IQCM: variants seen among roughly 807,000 people sequenced by gnomAD.
IQCM encodes the protein IQ motif containing M.
IQCM carries 45 observed loss-of-function variants against 57.6 expected under a neutral mutation model. The ratio of observed to expected loss-of-function variants is 0.78; its 90% CI spans 0.62 to 1.00. The LOEUF (loss-of-function observed/expected upper bound fraction) is 1.00. Among genes scored for constraint, IQCM ranks in the 50% least tolerant of loss-of-function variants. IQCM has a pLI of 0.00. For synonymous variants in IQCM, 148 were observed against 158.9 expected (o/e 0.93, Z 0.51); for missense variants, 468 against 511.6 (o/e 0.91, Z 0.82).
chr4:149,496,335 G>A (rs1277794052), intron 12 of IQCM, among the ~76,000 whole-genome samples: 8 of 152,130 alleles, frequency 5.3e-5, no homozygotes, highest in Admixed American at 4.6e-4. Flanking sequence ...TCTCAATCCT[G>A]AAATCTGTGA....
intron 5 of IQCM, among the ~76,000 whole-genome samples, chr4:149,706,958 T>TG (rs1460798398): frequency 6.6e-6 from 1 of 152,006 alleles, no homozygotes; most frequent in East Asian, 1.9e-4. Context: ...TAGAATTTTG[T>TG]GAAAGGCCTT....
intron 12 of IQCM, among the ~76,000 whole-genome samples, chr4:149,445,940 T>G (rs1736457913): frequency 6.6e-6 from 1 of 151,756 alleles, no homozygotes; most frequent in Non-Finnish European, 1.5e-5. Context: ...CTATATTTAC[T>G]CCCAAGAGGT....
intron 10 of IQCM, among the ~76,000 whole-genome samples, chr4:149,556,090 A>T (rs1313225914): frequency 2.0e-5 from 3 of 152,216 alleles, no homozygotes; most frequent in African/African-American, 7.2e-5. Context: ...TTTCACTATA[A>T]GTCTAAATAT....
intron 12 of IQCM, among the ~76,000 whole-genome samples, chr4:149,525,233 C>T (rs930390233): frequency 1.4e-4 from 21 of 151,810 alleles, no homozygotes; most frequent in African/African-American, 5.1e-4. Flanking sequence ...GTAGATGAAA[C>T]ATTCTACGTA....
intron 2 of IQCM, among the ~76,000 whole-genome samples, chr4:149,799,524 T>C (rs1401089324): frequency 1.3e-5 from 2 of 151,040 alleles, no homozygotes; most frequent in African/African-American, 4.9e-5. Flanking sequence ...AACAAAACAA[T>C]ACAAAAGATC....
intron 13 of IQCM, among the ~76,000 whole-genome samples, chr4:149,356,925 C>A (rs987345496): frequency 6.6e-6 from 1 of 152,050 alleles, no homozygotes; most frequent in African/African-American, 2.4e-5. Context: ...TTTCATTGAG[C>A]CATGGTTTAT....
intron 2 of IQCM, among the ~76,000 whole-genome samples, chr4:149,786,594 G>A (rs995739628): frequency 1.3e-5 from 2 of 152,128 alleles, no homozygotes; most frequent in African/African-American, 4.8e-5. Flanking sequence ...CAACATCACT[G>A]ATCATCAGAG....
intron 13 of IQCM, among the ~76,000 whole-genome samples, chr4:149,383,961 A>G (rs772985878): frequency 1.3e-5 from 2 of 152,122 alleles, no homozygotes; most frequent in Non-Finnish European, 2.9e-5. Flanking sequence ...CTCAAAAAAA[A>G]GAAGAATATT....
chr4:149,694,821 T>C (rs1667173220), intron 5 of IQCM, among the ~76,000 whole-genome samples: 1 of 152,184 alleles, frequency 6.6e-6, no homozygotes, highest in Non-Finnish European at 1.5e-5. Flanking sequence ...AACTTACTAC[T>C]GTGAAAGTGC....
intron 2 of IQCM, among the ~76,000 whole-genome samples, chr4:149,751,426 C>T (rs959950655): frequency 6.6e-6 from 1 of 152,192 alleles, no homozygotes; most frequent in African/African-American, 2.4e-5. Context: ...TAATCACTTC[C>T]TAATCAAGGG....
At chr4:149,423,079 A>G (rs1734224742) in intron 13 of IQCM, among the ~76,000 whole-genome samples, 1 of 152,078 alleles carries the variant, frequency 6.6e-6, no homozygotes, top group Non-Finnish European at 1.5e-5. Flanking sequence ...AGGGCTGGTT[A>G]TGCCAACTTG....
intron 13 of IQCM, among the ~76,000 whole-genome samples, chr4:149,398,753 C>CT (rs1275215546): frequency 6.6e-5 from 10 of 152,014 alleles, no homozygotes; most frequent in South Asian, 6.2e-4. Context: ...GTTGCCCAGG[C>CT]TACAGTGCAG....
At chr4:149,585,114 G>C (rs1172398205) in intron 9 of IQCM, among the ~76,000 whole-genome samples, 1 of 151,652 alleles carries the variant, frequency 6.6e-6, no homozygotes, top group Non-Finnish European at 1.5e-5. Flanking sequence ...AAGAAGAGAT[G>C]GGGGAAAAGA....
chr4:149,601,829 C>G (rs937562453), intron 8 of IQCM, among the ~76,000 whole-genome samples: 3 of 151,836 alleles, frequency 2.0e-5, no homozygotes, highest in Non-Finnish European at 4.4e-5. Context: ...GAGGCCAAGG[C>G]AGGCAGATCC....
At chr4:149,723,745 TTTG>T (rs1013931371) in intron 5 of IQCM, among the ~76,000 whole-genome samples, 14 of 152,104 alleles carry the variant, frequency 9.2e-5, no homozygotes, top group African/African-American at 2.4e-4. Context: ...AGTCTGTAGT[TTTG>T]TTGTTGTTGT....
intron 12 of IQCM, among the ~76,000 whole-genome samples, chr4:149,459,527 A>C (rs1738049244): frequency 6.6e-6 from 1 of 152,194 alleles, no homozygotes; most frequent in African/African-American, 2.4e-5. Flanking sequence ...AATGTTGTAC[A>C]ACCATCACCA....
chr4:149,397,218 C>A (rs1732290988), intron 13 of IQCM, among the ~76,000 whole-genome samples: 1 of 151,722 alleles, frequency 6.6e-6, no homozygotes, highest in South Asian at 2.1e-4. Context: ...ACAACTTTTT[C>A]TTTTTTTAAT....
chr4:149,548,649 TTAACTC>T (rs1302958337), intron 11 of IQCM, 60 bp from the exon 12 acceptor site: 107 of 837,528 alleles, frequency 1.3e-4, no homozygotes, highest in Admixed American at 1.3e-4. Flanking sequence ...AGTAAAAACT[TTAACTC>T]TAGCTTTATT....
rs1434700257 is a variant in IQCM at position 149,683,496 on chromosome 4, T to A, written c.477-1290A>T. ...GATCTATTAATTTGACTGTCACTCA[T>A]GTGGTCATGCCCACAGAGTTGGCCA... On this transcript the variant is annotated intron_variant, in intron 6 of 13. Coordinates refer to ENST00000636793, the MANE Select transcript of IQCM (RefSeq NM_001363507.2). 2.0e-5 allele frequency among the ~76,000 whole-genome samples: 3 copies of A among 151,308 alleles called. No individual in the cohort carries two copies. The East Asian group carries it at 5.8e-4, about 29-fold the overall frequency.
Sources: gnomAD v4.1 joint callset for allele counts (sites outside exome capture counted in the v4.1 genomes callset) on GRCh38, gnomAD v4.1.1 for gene constraint, MANE v1.5 for transcripts, NCBI Gene and HGNC (gene_info 2026-07-23, HGNC 2026-07-21) for gene names.